Variants in FRMD5 observed in about 807,000 individuals in gnomAD.
FRMD5 encodes the protein FERM domain containing 5, also known as FERM domain-containing protein 5.
In FRMD5, 20 loss-of-function variants were observed where a neutral mutation model predicts 69.0. The observed-to-expected ratio is 0.29, with a 90% CI of 0.20 to 0.42. FRMD5 has a LOEUF of 0.42. Ranked by LOEUF, FRMD5 falls within the 10% of genes least tolerant of loss-of-function variation. The pLI is 1.00. For missense variants in FRMD5, 595 were observed against 708.6 expected, an observed-to-expected ratio of 0.84 and a Z score of 1.82; for synonymous variants, 271 against 260.1, an observed-to-expected ratio of 1.04 and a Z score of -0.40.
intron 1 of FRMD5, among the ~76,000 whole-genome samples, chr15:44,129,916 T>C (rs1424766321): frequency 2.0e-5 from 3 of 152,162 alleles, no homozygotes; most frequent in Non-Finnish European, 4.4e-5. Context: ...GCAAAGCACA[T>C]GGGTCAGCAA....
At chr15:43,978,612 C>G (rs189412018) in intron 1 of FRMD5, among the ~76,000 whole-genome samples, 1 of 152,060 alleles carries the variant, frequency 6.6e-6, no homozygotes. Flanking sequence ...AGTGCAGTGG[C>G]GCAATATTGG....
chr15:43,951,725 T>C (rs2090032162), intron 1 of FRMD5, among the ~76,000 whole-genome samples: 1 of 152,208 alleles, frequency 6.6e-6, no homozygotes, highest in African/African-American at 2.4e-5. Flanking sequence ...GCAAACTACT[T>C]AGGATAGCTC....
chr15:44,017,618 T>TA (rs1566901166), intron 1 of FRMD5, among the ~76,000 whole-genome samples: 1 of 150,416 alleles, frequency 6.6e-6, no homozygotes, highest in Admixed American at 6.6e-5. Flanking sequence ...ATATTTCTTT[T>TA]TTTTTTTTTT....
At chr15:43,997,075 A>G (rs1889966975) in intron 1 of FRMD5, among the ~76,000 whole-genome samples, 1 of 152,140 alleles carries the variant, frequency 6.6e-6, no homozygotes, top group African/African-American at 2.4e-5. Flanking sequence ...TCATGATGAG[A>G]AGAAAGAAAA....
At chr15:44,021,319 AT>A (rs1595633811) in intron 1 of FRMD5, among the ~76,000 whole-genome samples, 1 of 152,162 alleles carries the variant, frequency 6.6e-6, no homozygotes, top group East Asian at 1.9e-4. Context: ...ATATAGTTTA[AT>A]TTTTAATAAT....
chr15:44,094,456 C>T (rs571801100), intron 1 of FRMD5, among the ~76,000 whole-genome samples: 3 of 152,258 alleles, frequency 2.0e-5, no homozygotes, highest in African/African-American at 7.2e-5. Flanking sequence ...ACCTACAACC[C>T]ATTAGTCCTA....
At chr15:43,979,392 T>C (rs2090514265) in intron 1 of FRMD5, among the ~76,000 whole-genome samples, 1 of 151,650 alleles carries the variant, frequency 6.6e-6, no homozygotes, top group Non-Finnish European at 1.5e-5. Context: ...CCACCTCCTA[T>C]ACCTCCACAC....
At chr15:44,146,610 C>T (rs2555370) in intron 1 of FRMD5, among the ~76,000 whole-genome samples, 124,664 of 152,124 alleles carry the variant, frequency 0.82, 53,606 homozygotes, top group Non-Finnish European at 0.94. Context: ...ACATTCCCAC[C>T]GACAGTATAA....
chr15:43,944,692 C>T (rs1388635047), intron 1 of FRMD5, among the ~76,000 whole-genome samples: 7 of 152,044 alleles, frequency 4.6e-5, no homozygotes, highest in South Asian at 2.1e-4. Context: ...TGGGTTCAAG[C>T]GATTCTCCTG....
chr15:43,949,687 C>T (rs1373512252), intron 1 of FRMD5, among the ~76,000 whole-genome samples: 2 of 152,176 alleles, frequency 1.3e-5, no homozygotes, highest in African/African-American at 4.8e-5. Flanking sequence ...GCTTTGTGTA[C>T]TCCCCAGTGT....
rs1009787786 is a variant in FRMD5 at position 43,871,638 on chromosome 15, C to T, written c.*2247G>A. On this transcript the variant is annotated 3_prime_UTR_variant, in exon 14 of 14. Coordinates refer to ENST00000417257, the MANE Select transcript of FRMD5 (RefSeq NM_032892.5). ...CAGTGGCTAGTTGATTTTAACTGAC[C>T]CCTAATCTCTACTAGGATCTCCTTC... is the stretch of plus-strand genomic sequence containing the variant. The T allele has an allele frequency of 6.6e-6, 1 of 152,152 alleles. No homozygotes were observed. The highest frequency in any genetic ancestry group is 1.5e-5 in the Non-Finnish European group (1 of 68,032). The allele number at this position is 152,152 out of a possible 1,614,324, so 9.4% of individuals were successfully genotyped here. A position where few individuals can be genotyped will look rare whatever the true frequency, so the allele number is the denominator to read the frequency against.
chr15:43,887,904 GC>G (rs2088701354), intron 10 of FRMD5, among the ~76,000 whole-genome samples: 1 of 152,236 alleles, frequency 6.6e-6, no homozygotes, highest in Non-Finnish European at 1.5e-5. Context: ...CTGGCATCAT[GC>G]CCTCAGTGGG....
At chr15:43,999,966 A>ATATGCCATG (rs1890127217) in intron 1 of FRMD5, among the ~76,000 whole-genome samples, 1 of 76,988 alleles carries the variant, frequency 1.3e-5, no homozygotes, top group African/African-American at 6.5e-5. Flanking sequence ...ATATATATAT[A>ATATGCCATG]TATATATATA....
At chr15:43,893,540 G>T (rs532749872) in intron 7 of FRMD5, among the ~76,000 whole-genome samples, 1 of 152,356 alleles carries the variant, frequency 6.6e-6, no homozygotes, top group South Asian at 2.1e-4. Context: ...GGCACCGTCA[G>T]GCTGCATGAA....
chr15:44,132,506 G>C (rs867132111), intron 1 of FRMD5, among the ~76,000 whole-genome samples: 2 of 152,096 alleles, frequency 1.3e-5, no homozygotes, highest in Non-Finnish European at 2.9e-5. Context: ...TCTGCTCACT[G>C]CATCCTCGAC....
At chr15:43,922,832 G>A (rs893798585) in intron 2 of FRMD5, among the ~76,000 whole-genome samples, 8 of 152,006 alleles carry the variant, frequency 5.3e-5, no homozygotes, top group Non-Finnish European at 7.4e-5. Context: ...CACCATTTCC[G>A]CGAATTTTTG....
At position 44,076,033 on chromosome 15, in the gene FRMD5, T is replaced by G. The variant is rs556106013; in HGVS notation, c.102+118920A>C. On this transcript the variant is annotated intron_variant, in intron 1 of 13. Coordinates refer to ENST00000417257, the MANE Select transcript of FRMD5 (RefSeq NM_032892.5). ...GGTTGTTTGTTTTTTTCTTGTAAAT[T>G]TGTTTGAGTTCATTGTAGATTCTGG... 3.9e-5 allele frequency among the ~76,000 whole-genome samples: 6 copies of G among 152,282 alleles called. No homozygotes were observed. In the South Asian group the frequency reaches 1.2e-3, roughly 32 times the overall value.
Position 43,873,153 on chromosome 15 carries a change from C to CT in FRMD5, c.*731dup. The CT allele has an allele frequency of 6.5e-7, 1 of 1,548,478 alleles. No homozygotes were observed. Among genetic ancestry groups the CT allele is most frequent in the Non-Finnish European group, 8.7e-7 (1 of 1,145,128 alleles). On this transcript the variant is annotated 3_prime_UTR_variant, in exon 14 of 14. Transcript: ENST00000417257. ...ATGGTGATGCCCACTAGGCTCTAGA[C>CT]TAAGGGGACAGACTTACCCCACCCC... is the stretch of plus-strand genomic sequence containing the variant.
chr15:44,134,583 G>C (rs7168355), intron 1 of FRMD5, among the ~76,000 whole-genome samples: 2,236 of 152,186 alleles, frequency 0.015, 52 homozygotes, highest in African/African-American at 0.051. Context: ...CGAGTAGCTG[G>C]GATTACAGGC....
Sources: allele counts gnomAD v4.1 joint callset (sites outside exome capture counted in the v4.1 genomes callset), GRCh38; gene constraint gnomAD v4.1.1; transcripts MANE v1.5; gene names NCBI Gene and HGNC (gene_info 2026-07-23, HGNC 2026-07-21).